The following PCDHGA3 variants were observed in gnomAD, a reference collection of about 807,000 sequenced individuals.
PCDHGA3 encodes protocadherin gamma-A3.
A neutral mutation model predicts 58.5 loss-of-function variants in PCDHGA3; 40 were observed. That is an observed-to-expected ratio of 0.68 (90% confidence interval 0.53 to 0.89). PCDHGA3 has a LOEUF of 0.89. Among genes scored for constraint, PCDHGA3 ranks in the 40% least tolerant of loss-of-function variants. The pLI, the probability that PCDHGA3 is intolerant of heterozygous loss-of-function variation, is 0.00. For synonymous variants in PCDHGA3, 530 were observed against 525.7 expected (o/e 1.01, Z -0.11); for missense variants, 1,223 against 1,195.9 (o/e 1.02, Z -0.33).
At chr5:141,384,901 A>G in intron 1 of PCDHGA3, 1 of 1,613,838 alleles carries the variant, frequency 6.2e-7, no homozygotes, top group South Asian at 1.1e-5. Flanking sequence ...GGCTGACAGC[A>G]TCCCCGAAGT....
At chr5:141,492,382 T>C (rs71583650) in intron 1 of PCDHGA3, among the ~76,000 whole-genome samples, 2,103 of 152,322 alleles carry the variant, frequency 0.014, 36 homozygotes, top group African/African-American at 0.031. Flanking sequence ...ACAGGCCTGT[T>C]CCGGTCCACT....
chr5:141,350,460 G>A (rs767775457), intron 1 of PCDHGA3: 71 of 1,613,782 alleles, frequency 4.4e-5, no homozygotes, highest in Non-Finnish European at 5.8e-5. Flanking sequence ...CTGCGGGTTA[G>A]TGCAGAGGAT....
At chr5:141,422,959 C>A in intron 1 of PCDHGA3, 1 of 1,614,234 alleles carries the variant, frequency 6.2e-7, no homozygotes, top group South Asian at 1.1e-5. Context: ...TGGCGTGGAG[C>A]TGGCGCCCCG....
intron 1 of PCDHGA3, chr5:141,371,338 A>G (rs767000210): frequency 6.2e-7 from 1 of 1,613,990 alleles, no homozygotes; most frequent in Non-Finnish European, 8.5e-7. Context: ...AGAGATAGCT[A>G]CACAATTGGG....
At chr5:141,386,989 G>A (rs1354556956) in intron 1 of PCDHGA3, among the ~76,000 whole-genome samples, 1 of 152,156 alleles carries the variant, frequency 6.6e-6, no homozygotes, top group East Asian at 1.9e-4. Context: ...TTGAGGCTAT[G>A]TATTATCCCC....
At position 141,345,427 on chromosome 5, in the gene PCDHGA3, A is replaced by G. The variant is rs766424263; in HGVS notation, c.1394A>G (p.Asn465Ser). Residue 465 changes from asparagine to serine, a missense_variant, in exon 1 of 4, where the codon AAC (asparagine) becomes AGC (serine). By Grantham distance (46) the Asn-to-Ser change is conservative (BLOSUM62 1). Coordinates refer to ENST00000253812, the MANE Select transcript of PCDHGA3 (RefSeq NM_018916.4). ...TACTCCGCCTACATTCCAGAAAACA[A>G]CCCCAGAGGAGCCTCCATCTTCTCA... is the stretch of plus-strand genomic sequence containing the variant. ...LSYSAYIPEN[N>S]PRGASIFSVT... is the part of the protein sequence containing the mutation. 1.2e-6 allele frequency: 2 copies of G among 1,613,670 alleles called. No homozygotes were observed. The highest frequency in any genetic ancestry group is 4.5e-5 in the East Asian group (2 of 44,856).
Position 141,394,314 on chromosome 5 carries a change from CT to C in PCDHGA3, c.2424+47858del, listed in dbSNP as rs772070804. On this transcript the variant is annotated intron_variant, in intron 1 of 3. Transcript: ENST00000253812. ...CGAGGACACGCTGCAGGGGGCGCCC[CT>C]GTCCTCGTATATCTCCATCAACTCT... 4.3e-6 allele frequency: 7 copies of C among 1,614,038 alleles called. 1 individual carries two copies. Among genetic ancestry groups the C allele is most frequent in the East Asian group, 4.5e-5 (2 of 44,882 alleles).
chr5:141,424,655 TTTAA>T (rs1162406206), intron 1 of PCDHGA3: 3 of 152,238 alleles, frequency 2.0e-5, no homozygotes, highest in Non-Finnish European at 4.4e-5. Flanking sequence ...GTATTTGGAC[TTTAA>T]TTAAACTGAT....
intron 1 of PCDHGA3, chr5:141,375,005 G>A (rs757710290): frequency 1.2e-6 from 2 of 1,613,892 alleles, no homozygotes; most frequent in African/African-American, 2.7e-5. Context: ...TGCAAATCTA[G>A]ACTATGAGGA....
chr5:141,446,266 A>C (rs1268290014), intron 1 of PCDHGA3, among the ~76,000 whole-genome samples: 1 of 152,174 alleles, frequency 6.6e-6, no homozygotes, highest in African/African-American at 2.4e-5. Context: ...TTATTAACTG[A>C]ATAAATACAA....
At position 141,375,854 on chromosome 5, in the gene PCDHGA3, G is replaced by A. The variant is rs937512272; in HGVS notation, c.2424+29397G>A. 3.1e-6 allele frequency: 5 copies of A among 1,613,934 alleles called. No homozygotes were observed. The South Asian group carries it at 5.5e-5, about 18-fold the overall frequency. ...AGAGCCCGGCTACCTGGTGACCAAG[G>A]TGGTGGCGGTGGACAGAGACTCGGG... On this transcript the variant is annotated intron_variant, in intron 1 of 3. Coordinates refer to ENST00000253812, the MANE Select transcript of PCDHGA3 (RefSeq NM_018916.4).
At position 141,477,483 on chromosome 5, in the gene PCDHGA3, A is replaced by T; in HGVS notation, c.2425-17324A>T. ...TCCGACATCAATGACAACCCTCCAC[A>T]ATCTTCTCAATCTTCCTACGACGTT... On this transcript the variant is annotated intron_variant, in intron 1 of 3. Coordinates refer to ENST00000253812, the MANE Select transcript of PCDHGA3 (RefSeq NM_018916.4). The surrounding 1 kb of genome is among the most constrained non-coding windows in gnomAD (Gnocchi z 4.9). 1 of 1,614,028 alleles carries T rather than the reference A, an allele frequency of 6.2e-7. No homozygotes were observed.
Position 141,511,375 on chromosome 5 carries a change from A to G in PCDHGA3, c.*202A>G. 2 of 1,236,730 alleles carry G rather than the reference A, an allele frequency of 1.6e-6. No individual in the cohort carries two copies. The highest frequency in any genetic ancestry group is 2.2e-6 in the Non-Finnish European group (2 of 912,840). 76.6% of individuals were successfully genotyped at this position (1,236,730 alleles called of 1,614,324 possible). A position where few individuals can be genotyped will look rare whatever the true frequency, so the allele number is the denominator to read the frequency against. On this transcript the variant is annotated 3_prime_UTR_variant, in exon 4 of 4. Coordinates refer to ENST00000253812, the MANE Select transcript of PCDHGA3 (RefSeq NM_018916.4). ...CCCAGGGGGTTGAATATGCAAAAGCAGTTCCGCTGGGAACCCCCATCCAAT... is the reference window on the plus strand; with the variant it reads ...CCCAGGGGGTTGAATATGCAAAAGCGGTTCCGCTGGGAACCCCCATCCAAT...
intron 1 of PCDHGA3, among the ~76,000 whole-genome samples, 184 bp from the exon 2 acceptor site, chr5:141,494,623 C>A (rs2099755716): frequency 6.6e-6 from 1 of 152,146 alleles, no homozygotes; most frequent in Non-Finnish European, 1.5e-5. Flanking sequence ...GTTTCTGGTA[C>A]CTCAGACCTC....
chr5:141,400,023 C>A (rs755667675), intron 1 of PCDHGA3: 38 of 1,612,754 alleles, frequency 2.4e-5, no homozygotes, highest in Non-Finnish European at 3.2e-5. Flanking sequence ...GCGACAGGGA[C>A]GCGGCCCGCC....
intron 1 of PCDHGA3, chr5:141,409,520 T>A (rs1177702875): frequency 6.2e-7 from 1 of 1,613,848 alleles, no homozygotes; most frequent in East Asian, 2.2e-5. Flanking sequence ...AAGCATCACC[T>A]TGTATGTCGC....
intron 1 of PCDHGA3, chr5:141,370,892 G>C: frequency 6.2e-7 from 1 of 1,613,936 alleles, no homozygotes; most frequent in Non-Finnish European, 8.5e-7. Flanking sequence ...GTGTCAATTC[G>C]CTGCAGCAGT....
At chr5:141,403,306 A>C in intron 1 of PCDHGA3, 1 of 1,613,908 alleles carries the variant, frequency 6.2e-7, no homozygotes, top group Non-Finnish European at 8.5e-7. Context: ...AACTGTACGG[A>C]ATAGAAATAG....
intron 1 of PCDHGA3, among the ~76,000 whole-genome samples, chr5:141,461,415 T>C (rs2099015091): frequency 6.6e-6 from 1 of 152,152 alleles, no homozygotes; most frequent in Non-Finnish European, 1.5e-5. Flanking sequence ...TTTCATATGT[T>C]TGTGGGCCAT....
Sources: allele counts gnomAD v4.1 joint callset (sites outside exome capture counted in the v4.1 genomes callset), GRCh38; gene constraint gnomAD v4.1.1; non-coding constraint Gnocchi (gnomAD v3.1); transcripts MANE v1.5; gene names NCBI Gene and HGNC (gene_info 2026-07-23, HGNC 2026-07-21).